Variants in ARID1B observed in about 807,000 individuals in gnomAD.
The protein encoded by ARID1B is AT-rich interactive domain-containing protein 1B.
ARID1B carries 30 observed loss-of-function variants against 212.3 expected under a neutral mutation model. The ratio of observed to expected loss-of-function variants is 0.14; its 90% confidence interval spans 0.11 to 0.19. The LOEUF (loss-of-function observed/expected upper bound fraction) is 0.19, where lower values mean the gene tolerates loss of function less well. ARID1B is among the 10% of genes least tolerant of loss of function. The probability of loss-of-function intolerance (pLI) is 1.00; values close to 1 mark genes in which losing one functional copy is unlikely to be tolerated. For synonymous variants in ARID1B, 1,402 were observed against 1,301.7 expected (o/e 1.08, Z -1.66); for missense variants, 2,891 against 3,204.0 (o/e 0.90, Z 2.36).
At chr6:157,000,696 C>CTTTTTTTTTT (rs10536002) in intron 4 of ARID1B, among the ~76,000 whole-genome samples, 1,319 of 98,986 alleles carry the variant, frequency 0.013, 37 homozygotes, top group African/African-American at 0.024. Context: ...TCTAATTATT[C>CTTTTTTTTTT]TTTTTTTTTT....
intron 8 of ARID1B, among the ~76,000 whole-genome samples, chr6:157,160,014 A>G (rs1790829427): frequency 6.6e-6 from 1 of 152,232 alleles, no homozygotes. Flanking sequence ...GGAGTTATTA[A>G]CAGGGAGCTG....
chr6:157,056,961 C>T (rs756071967), intron 4 of ARID1B, among the ~76,000 whole-genome samples: 18 of 150,128 alleles, frequency 1.2e-4, no homozygotes, highest in South Asian at 4.2e-4. Context: ...GGTAAGCATG[C>T]GTCATGGGAG....
rs2128374194 is a variant in ARID1B, at chr6:157,201,052, G to A, written c.4827G>A (p.Gln1609=). ...GGCAGGGCCCTGGCGGCCCTACACA[G>A]GCGCCCCCTTACCCAGGCATGAACC... ...QNRQGPGGPT[Q]APPYPGMNRT... is the part of the protein sequence containing the mutation. Residue 1609 remains glutamine (Q), a synonymous_variant, in exon 18 of 20, where the codon CAG becomes CAA. Transcript: ENST00000636930. The surrounding 1 kb of genome is among the most constrained non-coding windows in gnomAD (Gnocchi z 5.2). The A allele has an allele frequency of 6.2e-7, 1 of 1,613,904 alleles. No individual in the cohort carries two copies. The highest frequency in any genetic ancestry group is 8.5e-7 in the Non-Finnish European group (1 of 1,179,822).
At chr6:156,824,895 C>T (rs1782635664) in intron 1 of ARID1B, among the ~76,000 whole-genome samples, 1 of 151,524 alleles carries the variant, frequency 6.6e-6, no homozygotes, top group South Asian at 2.1e-4. Flanking sequence ...TGGAGTCTTG[C>T]TCTGTCACCC....
intron 4 of ARID1B, among the ~76,000 whole-genome samples, chr6:157,073,873 C>G (rs147800204): frequency 6.6e-6 from 1 of 152,192 alleles, no homozygotes; most frequent in Non-Finnish European, 1.5e-5. Flanking sequence ...TCTACAGCAA[C>G]TCAGTTAACT....
At chr6:156,909,388 T>C (rs1190434020) in intron 3 of ARID1B, among the ~76,000 whole-genome samples, 1 of 151,976 alleles carries the variant, frequency 6.6e-6, no homozygotes, top group Non-Finnish European at 1.5e-5. Flanking sequence ...CCTCCCAGAG[T>C]GCTGGAATTA....
At chr6:156,990,877 A>G (rs1778238131) in intron 4 of ARID1B, among the ~76,000 whole-genome samples, 1 of 152,218 alleles carries the variant, frequency 6.6e-6, no homozygotes, top group African/African-American at 2.4e-5. Flanking sequence ...AGTATCATAA[A>G]TGGCTTTTCA....
At chr6:156,800,525 G>T (rs1413680246) in intron 1 of ARID1B, among the ~76,000 whole-genome samples, 4 of 152,066 alleles carry the variant, frequency 2.6e-5, no homozygotes, top group Non-Finnish European at 5.9e-5. Flanking sequence ...GGAGGTGAAG[G>T]TTGCAGTGAC....
chr6:156,841,775 T>A (rs1328778264), intron 2 of ARID1B, among the ~76,000 whole-genome samples: 1 of 152,178 alleles, frequency 6.6e-6, no homozygotes, highest in Admixed American at 6.5e-5. Flanking sequence ...ACAGGCATTG[T>A]TATATAGTCA....
intron 5 of ARID1B, among the ~76,000 whole-genome samples, chr6:157,106,335 C>G (rs966530016): frequency 3.9e-5 from 6 of 152,182 alleles, no homozygotes; most frequent in African/African-American, 1.4e-4. Flanking sequence ...TCAGGACTTA[C>G]AAGGCTGCAG....
intron 7 of ARID1B, among the ~76,000 whole-genome samples, chr6:157,137,541 G>A (rs928054958): frequency 3.9e-5 from 6 of 152,152 alleles, no homozygotes; most frequent in African/African-American, 1.2e-4. Context: ...AAACTATCTT[G>A]TTTGTTTTTT....
chr6:157,066,590 TGAG>T (rs1783691905), intron 4 of ARID1B, among the ~76,000 whole-genome samples: 1 of 152,212 alleles, frequency 6.6e-6, no homozygotes, highest in African/African-American at 2.4e-5. Context: ...AGCTTATGTC[TGAG>T]TTCATGGTGG....
chr6:157,190,074 T>C lies in ARID1B; in HGVS notation c.4095T>C (p.Asp1365=), dbSNP rs559706338. 3.1e-6 allele frequency: 5 copies of C among 1,614,248 alleles called. No individual in the cohort carries two copies. Among genetic ancestry groups the C allele is most frequent in the East Asian group, 4.5e-5 (2 of 44,892 alleles). ...STISVHDPFS[D]VSDSSFPKRN... The stretch of plus-strand genomic sequence containing the variant: ...TCAGTGTGCACGACCCATTCTCAGA[T>C]GTGAGTGATTCATCCTTCCCGAAAC... The change falls in exon 15 of 20, where the codon GAT becomes GAC. Residue 1365 remains aspartate, a synonymous_variant. Coordinates refer to ENST00000636930, the MANE Select transcript of ARID1B (RefSeq NM_001374828.1). The surrounding 1 kb of genome is among the most constrained non-coding windows in gnomAD (Gnocchi z 4.6).
Position 156,779,225 on chromosome 6 carries a change from C to T in ARID1B, c.1545C>T (p.Ser515=), listed in dbSNP as rs747295062. The change falls in exon 1 of 20, where the codon AGC becomes AGT. Residue 515 remains serine (S), a synonymous_variant. Coordinates refer to ENST00000636930, the MANE Select transcript of ARID1B (RefSeq NM_001374828.1). ...LLTSPSPMMR[S]YGGSYPEYSS... ...CCTCGCCCAGCCCCATGATGCGGAG[C>T]TACGGCGGCAGCTACCCCGAGTACA... 1.6e-6 allele frequency: 2 copies of T among 1,267,558 alleles called. No individual in the cohort carries two copies. The highest frequency in any genetic ancestry group is 2.5e-5 in the South Asian group (1 of 40,430). 78.5% of individuals were successfully genotyped at this position (1,267,558 alleles called of 1,614,324 possible). A position where few individuals can be genotyped will look rare whatever the true frequency, so the allele number is the denominator to read the frequency against.
At position 156,777,973 on chromosome 6, in the gene ARID1B, G is replaced by A. The variant is rs1267420121; in HGVS notation, c.293G>A (p.Ser98Asn). Residue 98 changes from serine to asparagine, a missense_variant, in exon 1 of 20, where the codon AGC (serine) becomes AAC (asparagine). Ser to Asn is a conservative substitution (Grantham distance 46). Around this residue, in one of 7 missense-constraint regions of ARID1B, gnomAD observed 1,643 missense variants for 1,544.0 expected, o/e 1.06. Coordinates refer to ENST00000636930, the MANE Select transcript of ARID1B (RefSeq NM_001374828.1). ...GCCGCGGCCGCCGCCGGCACCCACA[G>A]CGCCAAGAGCGGCGGCTCCGAGGCG... ...AGAAAAAGTHSAKSGGSEAAL... is the reference protein window; with the variant it reads ...AGAAAAAGTHNAKSGGSEAAL... 4 of 1,530,636 alleles carry A rather than the reference G, an allele frequency of 2.6e-6. No individual in the cohort carries two copies. The highest frequency in any genetic ancestry group is 2.6e-6 in the Non-Finnish European group (3 of 1,144,860). 94.8% of individuals were successfully genotyped at this position (1,530,636 alleles called of 1,614,324 possible).
chr6:157,082,198 G>T (rs1034679854), intron 4 of ARID1B, among the ~76,000 whole-genome samples: 1 of 152,134 alleles, frequency 6.6e-6, no homozygotes. Context: ...GTAAAGTTAT[G>T]GTGCATTTCA....
At chr6:156,977,974 G>T (rs1182361083) in intron 4 of ARID1B, among the ~76,000 whole-genome samples, 2 of 152,110 alleles carry the variant, frequency 1.3e-5, no homozygotes, top group East Asian at 3.9e-4. Context: ...CTCTCTGGCG[G>T]GTGGGAGCAG....
At chr6:157,131,822 C>A (rs1788569168) in intron 6 of ARID1B, among the ~76,000 whole-genome samples, 1 of 152,128 alleles carries the variant, frequency 6.6e-6, no homozygotes, top group Non-Finnish European at 1.5e-5. Flanking sequence ...TCCTGAGTAG[C>A]TGGGATTACA....
intron 1 of ARID1B, among the ~76,000 whole-genome samples, chr6:156,810,651 C>CT (rs1781493785): frequency 6.6e-6 from 1 of 152,124 alleles, no homozygotes; most frequent in Admixed American, 6.5e-5. Context: ...TCAAGACAAA[C>CT]TTGATATAGA....
Sources: gnomAD v4.1 joint callset for allele counts (sites outside exome capture counted in the v4.1 genomes callset) on GRCh38, gnomAD v4.1.1 for gene constraint, gnomAD v4.1.1 regional missense constraint, Gnocchi (gnomAD v3.1) non-coding constraint, MANE v1.5 for transcripts, NCBI Gene and HGNC (gene_info 2026-07-23, HGNC 2026-07-21) for gene names.